KCNIP4: variants seen among roughly 807,000 people sequenced by gnomAD.
KCNIP4 encodes the protein potassium voltage-gated channel interacting protein 4.
Under a neutral mutation model 34.0 loss-of-function variants are expected in KCNIP4, and 12 were observed. The ratio of observed to expected loss-of-function variants is 0.35; its 90% CI spans 0.23 to 0.57. KCNIP4 has a LOEUF of 0.57. Ranked by LOEUF, KCNIP4 falls within the 20% of genes least tolerant of loss-of-function variation. KCNIP4 has a pLI of 0.83. For synonymous variants in KCNIP4, 124 were observed against 102.2 expected, an observed-to-expected ratio of 1.21 and a Z score of -1.29; for missense variants, 238 against 311.7, an observed-to-expected ratio of 0.76 and a Z score of 1.78.
chr4:21,247,735 G>GATAGATATATAT (rs1553845666), intron 1 of KCNIP4, among the ~76,000 whole-genome samples: 1 of 61,368 alleles, frequency 1.6e-5, no homozygotes, highest in African/African-American at 1.1e-4. Flanking sequence ...TCCACAGGTG[G>GATAGATATATAT]ATATATATAT....
chr4:21,517,158 T>G (rs901763711), intron 1 of KCNIP4, among the ~76,000 whole-genome samples: 6 of 152,194 alleles, frequency 3.9e-5, no homozygotes, highest in South Asian at 4.1e-4. Context: ...GGGTTGTACA[T>G]CCTCCATGAA....
chr4:21,806,171 G>T (rs1355111316), intron 1 of KCNIP4, among the ~76,000 whole-genome samples: 1 of 152,142 alleles, frequency 6.6e-6, no homozygotes, highest in African/African-American at 2.4e-5. Flanking sequence ...TGCATTAGAG[G>T]CTTCAGGTCA....
intron 1 of KCNIP4, among the ~76,000 whole-genome samples, chr4:21,312,917 T>C (rs1713342496): frequency 6.6e-6 from 1 of 152,214 alleles, no homozygotes; most frequent in South Asian, 2.1e-4. Flanking sequence ...GCCATCTTAA[T>C]AGCCAAGCTA....
At chr4:21,240,792 T>C (rs1414265432) in intron 1 of KCNIP4, among the ~76,000 whole-genome samples, 2 of 152,204 alleles carry the variant, frequency 1.3e-5, no homozygotes, top group East Asian at 3.8e-4. Context: ...TGCAAAAATA[T>C]GATGCCTTAT....
intron 1 of KCNIP4, among the ~76,000 whole-genome samples, chr4:21,567,935 G>C (rs17549122): frequency 0.19 from 28,536 of 152,082 alleles, 2,771 homozygotes; most frequent in South Asian, 0.24. Flanking sequence ...AACGCAGAAG[G>C]GGAGCCAGAA....
chr4:21,610,425 G>T (rs1055538763), intron 1 of KCNIP4, among the ~76,000 whole-genome samples: 2 of 152,122 alleles, frequency 1.3e-5, no homozygotes, highest in Non-Finnish European at 2.9e-5. Flanking sequence ...TTGGCTTAGG[G>T]TCCACACTAA....
chr4:21,546,836 G>C (rs1353749591), intron 1 of KCNIP4, among the ~76,000 whole-genome samples: 1 of 152,070 alleles, frequency 6.6e-6, no homozygotes, highest in Non-Finnish European at 1.5e-5. Context: ...CTGCAGATCT[G>C]GGTTGACGTT....
chr4:21,182,337 T>C (rs990972496), intron 1 of KCNIP4, among the ~76,000 whole-genome samples: 1 of 152,136 alleles, frequency 6.6e-6, no homozygotes, highest in Non-Finnish European at 1.5e-5. Context: ...AATAGGTCTC[T>C]TCAGGGGGAC....
chr4:21,398,466 T>G (rs1723195920), intron 1 of KCNIP4, among the ~76,000 whole-genome samples: 1 of 152,218 alleles, frequency 6.6e-6, no homozygotes, highest in South Asian at 2.1e-4. Context: ...TGATTATTCC[T>G]CTGAGGGTTC....
At chr4:20,994,852 C>T (rs1365393959) in intron 1 of KCNIP4, among the ~76,000 whole-genome samples, 1 of 152,114 alleles carries the variant, frequency 6.6e-6, no homozygotes, top group Admixed American at 6.5e-5. Context: ...ATGCTCTGAA[C>T]ATGAGAAAGC....
chr4:21,128,364 C>A (rs1279224845), intron 1 of KCNIP4, among the ~76,000 whole-genome samples: 1 of 152,248 alleles, frequency 6.6e-6, no homozygotes, highest in Admixed American at 6.5e-5. Context: ...ATGAAGCATG[C>A]GATGTTTCAG....
intron 1 of KCNIP4, among the ~76,000 whole-genome samples, chr4:21,413,404 A>G (rs1043746180): frequency 6.6e-6 from 1 of 152,180 alleles, no homozygotes; most frequent in African/African-American, 2.4e-5. Context: ...TTAATTGCTT[A>G]AACCTAATTG....
intron 1 of KCNIP4, among the ~76,000 whole-genome samples, chr4:21,938,150 G>A (rs1382831901): frequency 6.6e-6 from 1 of 152,062 alleles, no homozygotes; most frequent in Non-Finnish European, 1.5e-5. Context: ...CCTGCCATCT[G>A]TCCCTGAAAA....
intron 1 of KCNIP4, among the ~76,000 whole-genome samples, chr4:21,867,669 C>T (rs150454738): frequency 8.1e-4 from 123 of 152,318 alleles, no homozygotes; most frequent in African/African-American, 2.8e-3. Flanking sequence ...AGGCCAAAAC[C>T]TCTACATGGA....
At chr4:21,784,811 G>A (rs1182477383) in intron 1 of KCNIP4, among the ~76,000 whole-genome samples, 1 of 152,054 alleles carries the variant, frequency 6.6e-6, no homozygotes, top group Non-Finnish European at 1.5e-5. Flanking sequence ...CCTAAATTTA[G>A]TTTCTTTCTA....
chr4:21,025,195 A>G (rs939510082), intron 1 of KCNIP4, among the ~76,000 whole-genome samples: 1 of 152,142 alleles, frequency 6.6e-6, no homozygotes, highest in Admixed American at 6.5e-5. Context: ...ATGATTTGTC[A>G]TTTAGGGTTT....
chr4:21,833,851 C>A (rs1314712874), intron 1 of KCNIP4, among the ~76,000 whole-genome samples: 2 of 152,136 alleles, frequency 1.3e-5, no homozygotes, highest in Admixed American at 6.5e-5. Context: ...AATAGGGAAT[C>A]CTTTCCCCAT....
intron 1 of KCNIP4, among the ~76,000 whole-genome samples, chr4:20,908,098 CT>C (rs11364819): frequency 0.42 from 45,777 of 108,748 alleles, 6,109 homozygotes; most frequent in East Asian, 0.58. Context: ...TGTCATCATT[CT>C]TTTTTTTTTT....
intron 1 of KCNIP4, among the ~76,000 whole-genome samples, chr4:21,117,325 T>A (rs1298771497): frequency 7.0e-6 from 1 of 142,140 alleles, no homozygotes; most frequent in African/African-American, 2.5e-5. Context: ...GGGGGCGCTG[T>A]TTTTCATCTT....
Sources: allele counts gnomAD v4.1 joint callset (sites outside exome capture counted in the v4.1 genomes callset), GRCh38; gene constraint gnomAD v4.1.1; transcripts MANE v1.5; gene names NCBI Gene and HGNC (gene_info 2026-07-23, HGNC 2026-07-21).